Variants in BRINP3 observed in about 807,000 individuals in gnomAD.
BRINP3 encodes the protein BMP/retinoic acid inducible neural specific 3, also known as BMP/retinoic acid-inducible neural-specific protein 3.
Under a neutral mutation model 71.0 loss-of-function variants are expected in BRINP3, and 19 were observed. The observed-to-expected ratio is 0.27, with a 90% CI of 0.19 to 0.39. The LOEUF is 0.39. Among genes scored for constraint, BRINP3 ranks in the 10% least tolerant of loss-of-function variants. BRINP3 has a pLI of 1.00. For synonymous variants in BRINP3, 380 were observed against 337.7 expected, an observed-to-expected ratio of 1.13 and a Z score of -1.37; for missense variants, 959 against 940.8, an observed-to-expected ratio of 1.02 and a Z score of -0.25.
In BRINP3 at chr1:190,379,194, T is replaced by A. The variant is rs144640312; in HGVS notation, c.236+75461A>T. Among the ~76,000 whole-genome samples the A allele has an allele frequency of 3.3e-3, 509 of 152,280 alleles. 2 individuals carry two copies. Among genetic ancestry groups the A allele is most frequent in the African/African-American group, 0.012 (496 of 41,562 alleles). ...TATCTACCACCAGATTTTTATTACA[T>A]GATTTAAAAAACAAAACAAAAAAAC... On this transcript the variant is annotated intron_variant, in intron 2 of 7. Coordinates refer to ENST00000367462, the MANE Select transcript of BRINP3 (RefSeq NM_199051.3).
chr1:190,435,987 G>C (rs1674428093), intron 2 of BRINP3, among the ~76,000 whole-genome samples: 1 of 151,908 alleles, frequency 6.6e-6, no homozygotes, highest in Non-Finnish European at 1.5e-5. Flanking sequence ...GATTTTGTAA[G>C]GTAGGGAGAG....
At chr1:190,141,508 CTCTTTCTTTCTCTTTT>C (rs1246528487) in intron 7 of BRINP3, among the ~76,000 whole-genome samples, 4 of 150,160 alleles carry the variant, frequency 2.7e-5, no homozygotes, top group South Asian at 2.1e-4. Flanking sequence ...TATTTTAATC[CTCTTTCTTTCTCTTTT>C]TCTTTCTTTC....
intron 7 of BRINP3, among the ~76,000 whole-genome samples, chr1:190,109,847 A>C (rs534997929): frequency 5.3e-5 from 8 of 152,128 alleles, no homozygotes; most frequent in Non-Finnish European, 8.8e-5. Context: ...TCAGCCTCAG[A>C]CTGAGAGTTA....
intron 7 of BRINP3, among the ~76,000 whole-genome samples, chr1:190,106,021 T>C (rs973943330): frequency 7.2e-5 from 11 of 151,942 alleles, no homozygotes; most frequent in African/African-American, 2.4e-4. Context: ...CTAAATCATA[T>C]ATATTAAAAT....
intron 6 of BRINP3, among the ~76,000 whole-genome samples, chr1:190,199,669 G>T (rs1218375216): frequency 1.3e-5 from 2 of 151,534 alleles, no homozygotes; most frequent in African/African-American, 4.9e-5. Flanking sequence ...TCACAAGTTA[G>T]GAGAAAATTA....
intron 2 of BRINP3, among the ~76,000 whole-genome samples, chr1:190,358,433 A>G (rs1184586): frequency 0.36 from 55,091 of 152,108 alleles, 11,031 homozygotes; most frequent in Admixed American, 0.48. Flanking sequence ...ACTGGCCATC[A>G]GCAAAATGCA....
At position 190,267,500 on chromosome 1, in the gene BRINP3, C is replaced by T. The variant is rs115334437; in HGVS notation, c.428-2445G>A. On this transcript the variant is annotated intron_variant, in intron 3 of 7. Coordinates refer to ENST00000367462, the MANE Select transcript of BRINP3 (RefSeq NM_199051.3). ...TGCTGAGAGAAATATCTATAACATACATGAGTTAACTACATGATTCTAAAA... is the reference window on the plus strand; with the variant it reads ...TGCTGAGAGAAATATCTATAACATATATGAGTTAACTACATGATTCTAAAA... Among the ~76,000 whole-genome samples, 505 of 151,920 alleles carry T rather than the reference C, an allele frequency of 3.3e-3. 2 individuals carry two copies. The highest frequency in any genetic ancestry group is 0.012 in the African/African-American group (491 of 41,504).
At chr1:190,199,664 A>G (rs1307866158) in intron 6 of BRINP3, among the ~76,000 whole-genome samples, 2 of 152,046 alleles carry the variant, frequency 1.3e-5, no homozygotes, top group African/African-American at 4.8e-5. Flanking sequence ...CTTTGTCACA[A>G]GTTAGGAGAA....
intron 2 of BRINP3, among the ~76,000 whole-genome samples, chr1:190,314,169 C>G (rs912858978): frequency 2.0e-5 from 3 of 151,950 alleles, no homozygotes; most frequent in African/African-American, 7.3e-5. Context: ...AGGGATCAAT[C>G]TGTACCAAAA....
chr1:190,269,106 T>C (rs1042481928), intron 3 of BRINP3, among the ~76,000 whole-genome samples: 2 of 152,042 alleles, frequency 1.3e-5, no homozygotes, highest in African/African-American at 4.8e-5. Context: ...GGCTGACACA[T>C]GAATAGGCAG....
chr1:190,311,131 A>G (rs1665488660), intron 2 of BRINP3, among the ~76,000 whole-genome samples: 1 of 151,726 alleles, frequency 6.6e-6, no homozygotes, highest in Non-Finnish European at 1.5e-5. Flanking sequence ...AAGAGTGCCA[A>G]TGAACTGAAA....
At chr1:190,210,666 C>T (rs1331800276) in intron 6 of BRINP3, among the ~76,000 whole-genome samples, 2 of 151,984 alleles carry the variant, frequency 1.3e-5, no homozygotes, top group Non-Finnish European at 2.9e-5. Flanking sequence ...CTCAAAATAC[C>T]TGTATAAAAA....
rs1260728314 is a variant in BRINP3, at chr1:190,466,089, A to G, written c.-50-11149T>C. On this transcript the variant is annotated intron_variant, in intron 1 of 7. Transcript: ENST00000367462. ...GTGTCAATTTAAAGAAAATGTGGAC[A>G]ATATTGCCCCTGCACTTTTGGATAG... 2.6e-5 allele frequency among the ~76,000 whole-genome samples: 4 copies of G among 151,810 alleles called. No individual in the cohort carries two copies. The East Asian group carries it at 7.7e-4, about 29-fold the overall frequency.
At chr1:190,112,295 C>T (rs1472344704) in intron 7 of BRINP3, among the ~76,000 whole-genome samples, 1 of 152,096 alleles carries the variant, frequency 6.6e-6, no homozygotes, top group Non-Finnish European at 1.5e-5. Flanking sequence ...CTCAGCAATC[C>T]ATATCACAGT....
intron 2 of BRINP3, among the ~76,000 whole-genome samples, chr1:190,354,804 A>G (rs1179443297): frequency 6.9e-6 from 1 of 145,922 alleles, no homozygotes. Flanking sequence ...AAACTGTTGC[A>G]CCCTTTCATC....
chr1:190,226,829 T>C (rs1314816804), intron 5 of BRINP3, among the ~76,000 whole-genome samples: 1 of 151,926 alleles, frequency 6.6e-6, no homozygotes, highest in Non-Finnish European at 1.5e-5. Context: ...AACATATAAG[T>C]TATATAATTC....
At chr1:190,414,505 G>T (rs1310146133) in intron 2 of BRINP3, among the ~76,000 whole-genome samples, 2 of 152,146 alleles carry the variant, frequency 1.3e-5, no homozygotes, top group Non-Finnish European at 2.9e-5. Flanking sequence ...GGAAACAACT[G>T]TTTTCTGTCT....
chr1:190,209,625 G>A (rs760924475), intron 6 of BRINP3, among the ~76,000 whole-genome samples: 9 of 152,058 alleles, frequency 5.9e-5, no homozygotes, highest in South Asian at 2.1e-4. Context: ...TTCATTTGAC[G>A]TTCATAAAAT....
chr1:190,199,733 C>T (rs1654818884), intron 6 of BRINP3, among the ~76,000 whole-genome samples: 1 of 147,936 alleles, frequency 6.8e-6, no homozygotes, highest in African/African-American at 2.5e-5. Context: ...GTGACACATT[C>T]CTAACAATTG....
Sources: gnomAD v4.1 joint callset for allele counts (sites outside exome capture counted in the v4.1 genomes callset) on GRCh38, gnomAD v4.1.1 for gene constraint, MANE v1.5 for transcripts, NCBI Gene and HGNC (gene_info 2026-07-23, HGNC 2026-07-21) for gene names.